Variants in NRAP observed in about 807,000 individuals in gnomAD.
NRAP encodes nebulin-related-anchoring protein.
In NRAP, 189 loss-of-function variants were observed where a neutral mutation model predicts 225.9. The ratio of observed to expected loss-of-function variants is 0.84; its 90% CI spans 0.74 to 0.94. NRAP has a LOEUF of 0.94. NRAP is among the 40% of genes least tolerant of loss of function. NRAP has a pLI of 0.00. For missense variants in NRAP, 2,176 were observed against 2,168.7 expected (o/e 1.00, Z -0.07); for synonymous variants, 769 against 790.7 (o/e 0.97, Z 0.46).
chr10:113,590,475 C>T (rs1436437599), intron 40 of NRAP, 103 bp downstream of exon 40: 2 of 1,160,642 alleles, frequency 1.7e-6, no homozygotes, highest in Non-Finnish European at 2.4e-6. Context: ...TCTCTCTCAG[C>T]CCAGCTCCCC....
chr10:113,590,227 A>G (rs1845882338), intron 40 of NRAP, among the ~76,000 whole-genome samples: 1 of 152,134 alleles, frequency 6.6e-6, no homozygotes, highest in Non-Finnish European at 1.5e-5. Context: ...GCAAACCAAA[A>G]GGGGTTGGTA....
At chr10:113,650,615 A>C (rs1316620858) in intron 7 of NRAP, 70 bp from the exon 8 acceptor site, 1 of 1,078,156 alleles carries the variant, frequency 9.3e-7, no homozygotes, top group Non-Finnish European at 1.4e-6. Context: ...TGCTCTGCTA[A>C]GGGTTCCATG....
chr10:113,621,707 A>C (rs1404617230), intron 24 of NRAP, among the ~76,000 whole-genome samples, 162 bp downstream of exon 24: 5 of 152,244 alleles, frequency 3.3e-5, no homozygotes, highest in South Asian at 2.1e-4. Context: ...GTTTGAATAA[A>C]AGTTAAACCA....
intron 4 of NRAP, among the ~76,000 whole-genome samples, chr10:113,654,336 G>C (rs967499928): frequency 1.3e-5 from 2 of 152,066 alleles, no homozygotes; most frequent in Admixed American, 6.5e-5. Context: ...TTATGTTACA[G>C]GAAAATTTTG....
chr10:113,646,242 TG>T (rs1411237048), intron 10 of NRAP, among the ~76,000 whole-genome samples: 1 of 152,208 alleles, frequency 6.6e-6, no homozygotes, highest in Non-Finnish European at 1.5e-5. Context: ...ATTCTGCCCT[TG>T]GTTTAAACAT....
intron 9 of NRAP, among the ~76,000 whole-genome samples, chr10:113,649,566 G>T (rs758856348): frequency 6.6e-6 from 1 of 152,130 alleles, no homozygotes. Flanking sequence ...ATTGGAAAAA[G>T]GGTTTGCATT....
In NRAP at chr10:113,597,104, G is replaced by GC. The variant is rs1846325861; in HGVS notation, c.4412dup (p.Ser1471ArgfsTer7). ...GACCCACCTCATTGCAGTGCATATA[G>GC]CTGTTCTTGGCATGAACCAGGTCTG... On this transcript the variant is annotated frameshift_variant, in exon 37 of 42. Transcript: ENST00000359988. LOFTEE classifies it high-confidence loss of function. The GC allele has an allele frequency of 1.9e-6, 3 of 1,612,034 alleles. No homozygotes were observed. Among genetic ancestry groups the GC allele is most frequent in the Middle Eastern group, 1.6e-4 (1 of 6,084 alleles).
intron 14 of NRAP, among the ~76,000 whole-genome samples, chr10:113,638,635 A>T (rs1849016364): frequency 6.6e-6 from 1 of 152,194 alleles, no homozygotes; most frequent in African/African-American, 2.4e-5. Flanking sequence ...AGTCCCAGCC[A>T]ATTGCTGCCT....
intron 4 of NRAP, 141 bp from the exon 5 acceptor site, chr10:113,654,266 A>G (rs542544919): frequency 6.9e-6 from 4 of 580,066 alleles, no homozygotes; most frequent in South Asian, 5.5e-5. Flanking sequence ...TGAAATGTTC[A>G]TTTATTTCAG....
chr10:113,615,770 G>A lies in NRAP; in HGVS notation c.3020C>T (p.Pro1007Leu), dbSNP rs772992711. 19 of 1,610,528 alleles carry A rather than the reference G, an allele frequency of 1.2e-5. No individual in the cohort carries two copies. The highest frequency in any genetic ancestry group is 1.6e-4 in the Middle Eastern group (1 of 6,076). The change falls in exon 27 of 42, where the codon CCG becomes CTG. Residue 1007 changes from proline to leucine, a missense_variant. Pro to Leu is a moderately conservative substitution (Grantham distance 98). Around this residue, in one of 3 missense-constraint regions of NRAP, gnomAD observed 1,708 missense variants for 1,695.5 expected, o/e 1.01. Transcript: ENST00000359988. ...CAGGACTTCAGGGAGGTCAGCAGTCGGTGTGTAATGATGCTTTATGTTTTC... is the reference window on the plus strand; with the variant it reads ...CAGGACTTCAGGGAGGTCAGCAGTCAGTGTGTAATGATGCTTTATGTTTTC... ...QGENIKHHYT[P>L]TADLPEVLLA...
chr10:113,661,599 TG>T (rs1850681679), intron 3 of NRAP, among the ~76,000 whole-genome samples: 1 of 152,150 alleles, frequency 6.6e-6, no homozygotes, highest in Non-Finnish European at 1.5e-5. Context: ...CTTGTGGGCA[TG>T]GGTTATAGAA....
chr10:113,608,420 C>T lies in NRAP; in HGVS notation c.3696G>A (p.Thr1232=), dbSNP rs542779977. The T allele has an allele frequency of 3.2e-5, 51 of 1,604,960 alleles. No individual in the cohort carries two copies. The South Asian group carries it at 4.7e-4, about 15-fold the overall frequency. ...LLHAKFSNQI[T]NERLYKAAGE... ...AGCCATCAGGAGATTTTACCTCATT[C>T]GTTATCTGGTTGCTGAATTTCGCAT... Residue 1232 remains threonine, a synonymous_variant, in exon 32 of 42, where the codon ACG becomes ACA. Transcript: ENST00000359988.
chr10:113,626,036 C>T lies in NRAP; in HGVS notation c.2244+11G>A, dbSNP rs1251074311. On this transcript the variant is annotated intron_variant, in intron 21 of 41. Coordinates refer to ENST00000359988, the MANE Select transcript of NRAP (RefSeq NM_198060.4). Reference sequence around the variant, plus strand: ...AGCAGCTTGGTGGAGAAAGGGCAGCCCAGGACTCACCCCGCTCTGTAGCTC... The same window carrying T: ...AGCAGCTTGGTGGAGAAAGGGCAGCTCAGGACTCACCCCGCTCTGTAGCTC... 6.3e-7 allele frequency: 1 copy of T among 1,598,076 alleles called. No homozygotes were observed. The highest frequency in any genetic ancestry group is 8.5e-7 in the Non-Finnish European group (1 of 1,171,178).
At chr10:113,618,986 A>C (rs927009575) in intron 25 of NRAP, among the ~76,000 whole-genome samples, 1 of 152,212 alleles carries the variant, frequency 6.6e-6, no homozygotes, top group South Asian at 2.1e-4. Flanking sequence ...GCCCAATTCG[A>C]CAGTAACTTG....
chr10:113,620,386 A>G (rs1847914540), intron 25 of NRAP, among the ~76,000 whole-genome samples: 1 of 152,056 alleles, frequency 6.6e-6, no homozygotes, highest in South Asian at 2.1e-4. Context: ...ATTATTCATA[A>G]TATCATTTGT....
At chr10:113,650,904 G>C (rs577002419) in intron 7 of NRAP, among the ~76,000 whole-genome samples, 25 of 152,340 alleles carry the variant, frequency 1.6e-4, no homozygotes, top group South Asian at 4.1e-4. Context: ...GCTAAAGCAA[G>C]AGGAAACCAT....
At chr10:113,629,488 C>T in intron 19 of NRAP, 100 bp downstream of exon 19, 1 of 835,424 alleles carries the variant, frequency 1.2e-6, no homozygotes, top group Non-Finnish European at 2.0e-6. Flanking sequence ...TCCTAGTCTT[C>T]CAAGTTATGT....
intron 35 of NRAP, among the ~76,000 whole-genome samples, chr10:113,598,483 CT>C (rs11362278): frequency 0.64 from 96,278 of 151,436 alleles, 31,152 homozygotes; most frequent in East Asian, 0.75. Context: ...GCTTTGAACT[CT>C]TGGGTTCAAC....
intron 9 of NRAP, among the ~76,000 whole-genome samples, chr10:113,647,727 G>C (rs1175441797): frequency 1.3e-5 from 2 of 152,118 alleles, no homozygotes; most frequent in African/African-American, 4.8e-5. Flanking sequence ...TTCCCCAATG[G>C]TATGTGTCAT....
Sources: gnomAD v4.1 joint callset for allele counts (sites outside exome capture counted in the v4.1 genomes callset) on GRCh38, gnomAD v4.1.1 for gene constraint, gnomAD v4.1.1 regional missense constraint, MANE v1.5 for transcripts, NCBI Gene and HGNC (gene_info 2026-07-23, HGNC 2026-07-21) for gene names.